Variants in GUCY1A2 observed in about 807,000 individuals in gnomAD.
GUCY1A2 encodes the protein guanylate cyclase soluble subunit alpha-2.
GUCY1A2 carries 27 observed loss-of-function variants against 63.5 expected under a neutral mutation model. That is an observed-to-expected ratio of 0.43 (90% CI 0.31 to 0.59). The LOEUF (loss-of-function observed/expected upper bound fraction) is 0.59. GUCY1A2 is among the 20% of genes least tolerant of loss of function. The probability of loss-of-function intolerance (pLI) is 0.11; values close to 1 mark genes in which losing one functional copy is unlikely to be tolerated. For missense variants in GUCY1A2, 768 were observed against 913.3 expected (o/e 0.84, Z 2.05); for synonymous variants, 364 against 343.5 (o/e 1.06, Z -0.66).
chr11:106,896,015 A>T (rs1283187923), intron 4 of GUCY1A2, among the ~76,000 whole-genome samples: 6 of 149,240 alleles, frequency 4.0e-5, no homozygotes, highest in African/African-American at 1.5e-4. Flanking sequence ...TCTCAAAAAA[A>T]AAAAAAATAT....
At chr11:106,905,950 G>T (rs1331862517) in intron 4 of GUCY1A2, among the ~76,000 whole-genome samples, 2 of 152,066 alleles carry the variant, frequency 1.3e-5, no homozygotes, top group Non-Finnish European at 2.9e-5. Flanking sequence ...ACTCAAGATG[G>T]ATTAAACACT....
In GUCY1A2 at chr11:106,755,719, T is replaced by C. The variant is rs901642234; in HGVS notation, c.1836+20720A>G. On this transcript the variant is annotated intron_variant, in intron 6 of 7. Coordinates refer to ENST00000526355, the MANE Select transcript of GUCY1A2 (RefSeq NM_000855.3). ...ACACTGTGGTTTGAGAGACAGTTTG[T>C]TGTGATTTCTGTTCTTTCACATTTC... Among the ~76,000 whole-genome samples the C allele has an allele frequency of 4.6e-5, 7 of 152,222 alleles. No homozygotes were observed. The East Asian group carries it at 1.3e-3, about 29-fold the overall frequency.
chr11:106,936,126 A>G (rs1374332141), intron 4 of GUCY1A2, among the ~76,000 whole-genome samples: 3 of 152,170 alleles, frequency 2.0e-5, no homozygotes, highest in Non-Finnish European at 4.4e-5. Flanking sequence ...TCTCATTTCT[A>G]ACAAAGCTAT....
chr11:106,992,565 C>G (rs922556471), intron 1 of GUCY1A2, among the ~76,000 whole-genome samples: 6 of 151,818 alleles, frequency 4.0e-5, no homozygotes, highest in African/African-American at 1.5e-4. Context: ...CTCCTGACCT[C>G]GTGATCTGCC....
At chr11:106,949,632 T>C (rs1385808927) in intron 3 of GUCY1A2, among the ~76,000 whole-genome samples, 1 of 152,136 alleles carries the variant, frequency 6.6e-6, no homozygotes. Flanking sequence ...CAGCCTAATA[T>C]TTCCCACACA....
At chr11:106,936,375 A>G (rs889833900) in intron 4 of GUCY1A2, among the ~76,000 whole-genome samples, 2 of 152,218 alleles carry the variant, frequency 1.3e-5, no homozygotes, top group African/African-American at 4.8e-5. Context: ...ACATGGATTA[A>G]TTCAGTCTTT....
chr11:106,796,075 T>C (rs1864753876), intron 5 of GUCY1A2, among the ~76,000 whole-genome samples: 1 of 152,162 alleles, frequency 6.6e-6, no homozygotes, highest in Admixed American at 6.5e-5. Context: ...GCCTTCTTTG[T>C]CTCTTTTGAT....
chr11:106,713,507 T>C (rs1214184683), intron 6 of GUCY1A2, among the ~76,000 whole-genome samples: 2 of 133,444 alleles, frequency 1.5e-5, no homozygotes, highest in Non-Finnish European at 3.2e-5. Flanking sequence ...TTTTTTTTTT[T>C]TTTTTTTTTT....
rs192489991 is a variant in GUCY1A2 at position 107,002,146 on chromosome 11, A to G, written c.303+15607T>C. On this transcript the variant is annotated intron_variant, in intron 1 of 7. Coordinates refer to ENST00000526355, the MANE Select transcript of GUCY1A2 (RefSeq NM_000855.3). The stretch of plus-strand genomic sequence containing the variant: ...TTGATTAAAATTCACCCAGAAAAGG[A>G]AAGAGAGCCAAGAAGCTACATTTGA... 1.9e-4 allele frequency among the ~76,000 whole-genome samples: 29 copies of G among 152,292 alleles called. No individual in the cohort carries two copies. In the East Asian group the frequency reaches 3.9e-3, roughly 20 times the overall value.
At chr11:106,844,900 C>T (rs1224170608) in intron 4 of GUCY1A2, among the ~76,000 whole-genome samples, 1 of 151,602 alleles carries the variant, frequency 6.6e-6, no homozygotes, top group African/African-American at 2.4e-5. Context: ...AATTAGTGAA[C>T]TTTAAGGCAT....
chr11:106,809,342 A>G (rs981164798), intron 5 of GUCY1A2, among the ~76,000 whole-genome samples: 1 of 152,162 alleles, frequency 6.6e-6, no homozygotes, highest in African/African-American at 2.4e-5. Context: ...GAGCTAAATG[A>G]CTCAAAATAT....
chr11:106,952,072 T>C (rs1860917027), intron 3 of GUCY1A2, among the ~76,000 whole-genome samples: 1 of 152,096 alleles, frequency 6.6e-6, no homozygotes, highest in African/African-American at 2.4e-5. Flanking sequence ...ATTTCTGAGG[T>C]CTCTGTACTG....
At chr11:106,856,330 G>C (rs57349600) in intron 4 of GUCY1A2, among the ~76,000 whole-genome samples, 37,739 of 151,780 alleles carry the variant, frequency 0.25, 4,738 homozygotes, top group Middle Eastern at 0.3. Context: ...AAATTATTCC[G>C]TCTTCACATG....
intron 4 of GUCY1A2, among the ~76,000 whole-genome samples, chr11:106,877,236 T>G (rs1336504358): frequency 1.3e-5 from 2 of 152,042 alleles, no homozygotes; most frequent in Non-Finnish European, 2.9e-5. Flanking sequence ...ACTACAGGGT[T>G]TTCTAGGTAT....
intron 6 of GUCY1A2, among the ~76,000 whole-genome samples, chr11:106,735,024 T>C (rs1021903171): frequency 2.0e-5 from 3 of 152,066 alleles, no homozygotes; most frequent in African/African-American, 7.2e-5. Flanking sequence ...ATATAGAAGG[T>C]ATATATATTT....
chr11:106,824,159 A>G (rs775852509), intron 4 of GUCY1A2: 5 of 1,451,186 alleles, frequency 3.4e-6, no homozygotes, highest in Admixed American at 4.4e-5. Flanking sequence ...TGCAAGTGAC[A>G]AAGTCCACAC....
At chr11:106,883,534 T>C (rs983902830) in intron 4 of GUCY1A2, among the ~76,000 whole-genome samples, 1 of 152,128 alleles carries the variant, frequency 6.6e-6, no homozygotes, top group Admixed American at 6.5e-5. Flanking sequence ...AGCTAGAGGA[T>C]GCTATGAGAG....
intron 7 of GUCY1A2, among the ~76,000 whole-genome samples, chr11:106,694,645 C>G (rs1393647527): frequency 6.6e-6 from 1 of 152,168 alleles, no homozygotes; most frequent in East Asian, 1.9e-4. Flanking sequence ...AGTCTAACAT[C>G]TAACTTCATA....
chr11:106,965,472 T>C (rs577385874), intron 3 of GUCY1A2, among the ~76,000 whole-genome samples: 6 of 152,328 alleles, frequency 3.9e-5, no homozygotes, highest in Admixed American at 1.3e-4. Flanking sequence ...TGTGTGTATA[T>C]GGAGAAAAAG....
Sources: allele counts gnomAD v4.1 joint callset (sites outside exome capture counted in the v4.1 genomes callset), GRCh38; gene constraint gnomAD v4.1.1; transcripts MANE v1.5; gene names NCBI Gene and HGNC (gene_info 2026-07-23, HGNC 2026-07-21).